BCL2: variants seen among roughly 807,000 people sequenced by gnomAD.
The protein encoded by BCL2 is apoptosis regulator Bcl-2.
In BCL2, 1 loss-of-function variant was observed where a neutral mutation model predicts 14.2. The ratio of observed to expected loss-of-function variants is 0.07; its 90% CI spans 0.02 to 0.33. The LOEUF (loss-of-function observed/expected upper bound fraction) is 0.33, where lower values mean the gene tolerates loss of function less well. BCL2 is among the 10% of genes least tolerant of loss of function. BCL2 has a pLI of 0.99. For missense variants in BCL2, 247 were observed against 305.9 expected, an observed-to-expected ratio of 0.81 and a Z score of 1.44; for synonymous variants, 151 against 137.2, an observed-to-expected ratio of 1.10 and a Z score of -0.70.
chr18:63,278,905 T>G (rs1255878399), intron 2 of BCL2, among the ~76,000 whole-genome samples: 1 of 152,086 alleles, frequency 6.6e-6, no homozygotes, highest in East Asian at 1.9e-4. Context: ...ACACCTAAGT[T>G]TTGAAAAACC....
chr18:63,242,878 G>A (rs890351973), intron 2 of BCL2, among the ~76,000 whole-genome samples: 4 of 152,182 alleles, frequency 2.6e-5, no homozygotes, highest in African/African-American at 9.7e-5. Flanking sequence ...AGAGGGATCA[G>A]GTGGAGAAGA....
intron 2 of BCL2, among the ~76,000 whole-genome samples, chr18:63,203,449 G>A (rs1216445642): frequency 6.6e-6 from 1 of 152,186 alleles, no homozygotes; most frequent in Non-Finnish European, 1.5e-5. Flanking sequence ...GCCTCCTGAG[G>A]TGATATCATA....
rs558855674 is a variant in BCL2 at position 63,128,439 on chromosome 18, G to A, written c.*186C>T. ...TTTGGCAGTAAATAGCTGATTCGAC[G>A]TTTTGCCTGAAGACTGTTAATTGTT... On this transcript the variant is annotated 3_prime_UTR_variant, in exon 3 of 3. Transcript: ENST00000333681. 6 of 442,530 alleles carry A rather than the reference G, an allele frequency of 1.4e-5. No individual in the cohort carries two copies. In the South Asian group the frequency reaches 2.1e-4, roughly 16 times the overall value. 27.4% of individuals were successfully genotyped at this position (442,530 alleles called of 1,614,324 possible).
chr18:63,172,598 G>A (rs1427228483), intron 2 of BCL2, among the ~76,000 whole-genome samples: 1 of 152,026 alleles, frequency 6.6e-6, no homozygotes, highest in Non-Finnish European at 1.5e-5. Flanking sequence ...TAGCTAACAC[G>A]GTGAAACCCT....
Position 63,317,946 on chromosome 18 carries a change from C to T in BCL2, c.585+136G>A, listed in dbSNP as rs958275895. The T allele has an allele frequency of 1.1e-4, 163 of 1,473,476 alleles. No individual in the cohort carries two copies. The Middle Eastern group carries it at 1.2e-3, about 11-fold the overall frequency. 91.3% of individuals were successfully genotyped at this position (1,473,476 alleles called of 1,614,324 possible). ...CTTTGTCCAGAGGAGGAGGTAGGGA[C>T]GCCGGGAAGCAACAACTCTGATTTT... On this transcript the variant is annotated intron_variant, in intron 2 of 2. Transcript: ENST00000333681.
intron 2 of BCL2, among the ~76,000 whole-genome samples, chr18:63,210,926 T>G (rs1196562216): frequency 2.6e-5 from 4 of 152,104 alleles, no homozygotes; most frequent in African/African-American, 9.7e-5. Context: ...TCTCCAGCCC[T>G]TTTCTTTATT....
intron 2 of BCL2, among the ~76,000 whole-genome samples, chr18:63,268,390 T>C (rs1911900516): frequency 6.6e-6 from 1 of 152,220 alleles, no homozygotes; most frequent in Non-Finnish European, 1.5e-5. Context: ...AAAGTGTGTT[T>C]AGGCAAGATT....
chr18:63,139,359 A>G (rs1157502984), intron 2 of BCL2, among the ~76,000 whole-genome samples: 2 of 152,216 alleles, frequency 1.3e-5, no homozygotes, highest in Non-Finnish European at 2.9e-5. Context: ...GAGAGACTAA[A>G]GGCCGTATCT....
intron 2 of BCL2, among the ~76,000 whole-genome samples, chr18:63,177,271 A>G (rs1409083932): frequency 6.6e-6 from 1 of 152,176 alleles, no homozygotes; most frequent in East Asian, 1.9e-4. Context: ...GACAGGAGGT[A>G]CCAAATGTGC....
chr18:63,213,983 C>G (rs1295300527), intron 2 of BCL2, among the ~76,000 whole-genome samples: 1 of 152,176 alleles, frequency 6.6e-6, no homozygotes, highest in Non-Finnish European at 1.5e-5. Context: ...CCACAGAAAA[C>G]TTAGGGATGA....
In BCL2 at chr18:63,279,806, T is replaced by C. The variant is rs74450466; in HGVS notation, c.585+38276A>G. On this transcript the variant is annotated intron_variant, in intron 2 of 2. Transcript: ENST00000333681. ...AGCAAATGAAGCCCAAAACACAAAC[T>C]ACATACACTACAATTTCATCTACAT... Among the ~76,000 whole-genome samples the C allele has an allele frequency of 3.8e-3, 572 of 152,316 alleles. 4 individuals are homozygous for C. Among genetic ancestry groups the C allele is most frequent in the African/African-American group, 0.013 (537 of 41,576 alleles).
At chr18:63,247,907 G>A (rs1194918405) in intron 2 of BCL2, among the ~76,000 whole-genome samples, 1 of 152,062 alleles carries the variant, frequency 6.6e-6, no homozygotes, top group African/African-American at 2.4e-5. Context: ...AACCTTACAT[G>A]CATCTGCTTT....
intron 2 of BCL2, among the ~76,000 whole-genome samples, chr18:63,257,839 T>C (rs1911526766): frequency 6.6e-6 from 1 of 151,820 alleles, no homozygotes. Flanking sequence ...AGGGAAGAGG[T>C]CTGAGAGAAG....
chr18:63,262,196 C>T (rs369679869), intron 2 of BCL2, among the ~76,000 whole-genome samples: 61 of 152,134 alleles, frequency 4.0e-4, no homozygotes, highest in Non-Finnish European at 7.9e-4. Flanking sequence ...GGATTACAGG[C>T]GTGAGTCACT....
rs1269587027 is a variant in BCL2 at position 63,256,083 on chromosome 18, T to G, written c.585+61999A>C. 2.0e-5 allele frequency among the ~76,000 whole-genome samples: 3 copies of G among 152,222 alleles called. No homozygotes were observed. In the East Asian group the frequency reaches 5.8e-4, roughly 29 times the overall value. On this transcript the variant is annotated intron_variant, in intron 2 of 2. Transcript: ENST00000333681. ...TCGATGGGATACATTTAGTCAATAA[T>G]ATTCCATTTTAGACTTAGTTTAGTC...
chr18:63,276,238 A>G (rs1012128190), intron 2 of BCL2, among the ~76,000 whole-genome samples: 2 of 152,158 alleles, frequency 1.3e-5, no homozygotes, highest in African/African-American at 4.8e-5. Context: ...CCCCTTCATT[A>G]TTTTTATGAA....
intron 2 of BCL2, among the ~76,000 whole-genome samples, chr18:63,174,900 A>G (rs528034074): frequency 6.6e-6 from 1 of 152,044 alleles, no homozygotes; most frequent in East Asian, 1.9e-4. Context: ...AAAACACTAA[A>G]TTTTGTGGAA....
chr18:63,300,253 C>G (rs541100812), intron 2 of BCL2, among the ~76,000 whole-genome samples: 14 of 152,196 alleles, frequency 9.2e-5, no homozygotes, highest in African/African-American at 3.4e-4. Flanking sequence ...CAAGTTCCTA[C>G]TAATTCTCTA....
At chr18:63,262,575 TTC>T (rs1911692764) in intron 2 of BCL2, among the ~76,000 whole-genome samples, 1 of 152,136 alleles carries the variant, frequency 6.6e-6, no homozygotes, top group Admixed American at 6.5e-5. Context: ...GGCTGGCTAG[TTC>T]ACCACCCAGC....
Sources: allele counts gnomAD v4.1 joint callset (sites outside exome capture counted in the v4.1 genomes callset), GRCh38; gene constraint gnomAD v4.1.1; transcripts MANE v1.5; gene names NCBI Gene and HGNC (gene_info 2026-07-23, HGNC 2026-07-21).